CELF1: variants seen among roughly 807,000 people sequenced by gnomAD.
The protein encoded by CELF1 is 50 kDa nuclear polyadenylated RNA-binding protein.
CELF1 carries 10 observed loss-of-function variants against 61.8 expected under a neutral mutation model. The observed-to-expected ratio is 0.16, with a 90% confidence interval of 0.10 to 0.27. CELF1 has a LOEUF of 0.27. CELF1 is among the 10% of genes least tolerant of loss of function. The pLI is 1.00. For missense variants in CELF1, 380 were observed against 639.1 expected (o/e 0.59, Z 4.37); for synonymous variants, 236 against 225.1 (o/e 1.05, Z -0.43).
intron 1 of CELF1, among the ~76,000 whole-genome samples, chr11:47,541,693 AG>A (rs769530030): frequency 0.91 from 89,341 of 98,314 alleles, 40,714 homozygotes; most frequent in East Asian, 0.97. Flanking sequence ...TGTCAAAGAA[AG>A]AAAGAAAGAA....
At chr11:47,527,372 C>CA (rs1449984175) in intron 1 of CELF1, among the ~76,000 whole-genome samples, 1 of 152,068 alleles carries the variant, frequency 6.6e-6, no homozygotes, top group Non-Finnish European at 1.5e-5. Context: ...GCCTGGGTGA[C>CA]AAAGTGAGAC....
intron 1 of CELF1, among the ~76,000 whole-genome samples, chr11:47,519,465 G>A (rs1437761463): frequency 1.3e-5 from 2 of 150,926 alleles, no homozygotes; most frequent in African/African-American, 4.9e-5. Context: ...GTGTGACAGA[G>A]CGAGACTCCA....
At chr11:47,556,444 C>T (rs934721488), upstream of CELF1, among the ~76,000 whole-genome samples, 4 of 152,168 alleles carry the variant, frequency 2.6e-5, no homozygotes, top group African/African-American at 4.8e-5. Context: ...CTCGGCCTTC[C>T]GAAGTTTTGG....
At chr11:47,522,274 C>T (rs1217499352) in intron 1 of CELF1, among the ~76,000 whole-genome samples, 1 of 151,838 alleles carries the variant, frequency 6.6e-6, no homozygotes, top group East Asian at 2.0e-4. Context: ...GCCTGTAACC[C>T]CAGCACTTTG....
chr11:47,476,661 C>T (rs1305293254), intron 12 of CELF1, among the ~76,000 whole-genome samples, 185 bp downstream of exon 12: 3 of 152,266 alleles, frequency 2.0e-5, no homozygotes, highest in Admixed American at 6.5e-5. Flanking sequence ...CTCCTGACCT[C>T]GTGATTCGCC....
Position 47,484,391 on chromosome 11 carries a change from C to A in CELF1, c.524G>T (p.Arg175Leu). 6.2e-7 allele frequency: 1 copy of A among 1,610,888 alleles called. No individual in the cohort carries two copies. Among genetic ancestry groups the A allele is most frequent in the Non-Finnish European group, 8.5e-7 (1 of 1,179,164 alleles). ...RILRGPDGLS[R>L]GCAFVTFTTR... ...ATTTAAAAGCTAAAACTACCTACCT[C>A]GGCTCAGGCCATCAGGTCCCCGCAA... The change falls in exon 7 of 15, where the codon CGA (arginine) becomes CTA (leucine). Residue 175 changes from arginine to leucine, a missense_variant and splice_region_variant. Transcript: ENST00000687097.
rs2096792828 is a variant in CELF1, at chr11:47,541,729, CG to C, written c.-154+11262del. On this transcript the variant is annotated intron_variant, in intron 1 of 14. Coordinates refer to ENST00000687097, the MANE Select transcript of CELF1 (RefSeq NM_001376376.1). ...AAGAAAGAAAGAAAGAAAGAAAGAA[CG>C]AAAGAAAGAACGAAAGAAAGAAAGA... is the stretch of plus-strand genomic sequence containing the variant. Among the ~76,000 whole-genome samples, 5 of 9,194 alleles carry C rather than the reference CG, an allele frequency of 5.4e-4. 1 individual carries two copies. Among genetic ancestry groups the C allele is most frequent in the Non-Finnish European group, 9.2e-4 (3 of 3,278 alleles). 6.0% of individuals were successfully genotyped at this position (9,194 alleles called of 152,430 possible).
rs768310768 is a variant in CELF1, at chr11:47,486,752, T to C, written c.389A>G (p.Asn130Ser). Residue 130 changes from asparagine to serine, a missense_variant and splice_region_variant, in exon 6 of 15, where the codon AAT (asparagine) becomes AGT (serine). Asn to Ser is a conservative substitution (Grantham distance 46, BLOSUM62 1). Transcript: ENST00000687097. ...GAAGATTGTATACATTTGCTTACCA[T>C]TGTTCTTCTCACTGTCAGCAGGTTT... Reference protein sequence around the residue: ...QMKPADSEKNNAVEDRKLFIG... With the variant: ...QMKPADSEKNSAVEDRKLFIG... The C allele has an allele frequency of 4.3e-6, 7 of 1,612,270 alleles. No individual in the cohort carries two copies. The highest frequency in any genetic ancestry group is 4.0e-5 in the African/African-American group (3 of 74,896).
rs756424483 is a variant in CELF1, at chr11:47,473,144, T to G, written c.1361A>C (p.Asn454Thr). 1.9e-6 allele frequency: 3 copies of G among 1,614,018 alleles called. No individual in the cohort carries two copies. The highest frequency in any genetic ancestry group is 2.5e-6 in the Non-Finnish European group (3 of 1,180,034). ...TATGAAAACCTTGGCAGACACGACA[T>G]TCCCAAAGGGCATAAACATCTGCAG... ...DLLQMFMPFGNVVSAKVFIDK... is the reference protein window; with the variant it reads ...DLLQMFMPFGTVVSAKVFIDK... Residue 454 changes from asparagine to threonine, a missense_variant, in exon 14 of 15, where the codon AAT becomes ACT. Physicochemically the swap from Asn to Thr is moderately conservative, Grantham distance 65 (BLOSUM62 0). Coordinates refer to ENST00000687097, the MANE Select transcript of CELF1 (RefSeq NM_001376376.1).
intron 1 of CELF1, among the ~76,000 whole-genome samples, chr11:47,546,975 G>A (rs1442093417): frequency 2.2e-5 from 3 of 139,530 alleles, no homozygotes; most frequent in South Asian, 2.4e-4. Flanking sequence ...GCTGAGGCAG[G>A]AGAATCACTT....
intron 4 of CELF1, among the ~76,000 whole-genome samples, chr11:47,488,618 T>C (rs1276641716): frequency 2.0e-5 from 3 of 152,210 alleles, no homozygotes; most frequent in African/African-American, 4.8e-5. Context: ...TTTAAAGCCA[T>C]TAAATATGTT....
At chr11:47,540,711 C>T (rs2096752392) in intron 1 of CELF1, among the ~76,000 whole-genome samples, 1 of 152,062 alleles carries the variant, frequency 6.6e-6, no homozygotes, top group South Asian at 2.1e-4. Flanking sequence ...TGGTGAAACC[C>T]CGTCTCTACT....
At chr11:47,529,308 G>A (rs954701776) in intron 1 of CELF1, among the ~76,000 whole-genome samples, 1 of 152,008 alleles carries the variant, frequency 6.6e-6, no homozygotes, top group African/African-American at 2.4e-5. Flanking sequence ...CAGCACTTTG[G>A]GAGGCTGAGG....
rs537775076 is a variant in CELF1 at position 47,504,558 on chromosome 11, A to G, written c.-153-3626T>C. ...CGCACCACTACACTCCAGCATGGGC[A>G]ACAGCGTGAGACCCTGCCTTACAAA... On this transcript the variant is annotated intron_variant, in intron 1 of 14. Coordinates refer to ENST00000687097, the MANE Select transcript of CELF1 (RefSeq NM_001376376.1). Among the ~76,000 whole-genome samples, 165 of 141,700 alleles carry G rather than the reference A, an allele frequency of 1.2e-3. 1 individual carries two copies. The highest frequency in any genetic ancestry group is 3.9e-3 in the Middle Eastern group (1 of 258). 93.0% of individuals were successfully genotyped at this position (141,700 alleles called of 152,430 possible).
intron 1 of CELF1, among the ~76,000 whole-genome samples, chr11:47,547,091 A>AAAAAAAAAAAG (rs1390852543): frequency 2.2e-5 from 3 of 138,676 alleles, no homozygotes; most frequent in Non-Finnish European, 4.8e-5. Context: ...AAAAAAAAAA[A>AAAAAAAAAAAG]AAGAAAGAAA....
intron 1 of CELF1, among the ~76,000 whole-genome samples, chr11:47,536,632 G>A (rs905553724): frequency 1.3e-5 from 2 of 152,076 alleles, no homozygotes; most frequent in African/African-American, 4.8e-5. Context: ...GGGCGTGGTG[G>A]TGCACACCTG....
At chr11:47,551,736 G>GTTTTAAA (rs2097142288) in intron 1 of CELF1, among the ~76,000 whole-genome samples, 1 of 152,206 alleles carries the variant, frequency 6.6e-6, no homozygotes, top group African/African-American at 2.4e-5. Flanking sequence ...GTTCCGGGCG[G>GTTTTAAA]GGGCGGTGGC....
At position 47,489,034 on chromosome 11, in the gene CELF1, A is replaced by G; in HGVS notation, c.72-10T>C. ...GTTCATTTTCTTTGAGCTGTGTGAGATAAAATGAAACTTCTATTATGTAAT... is the reference window on the plus strand; with the variant it reads ...GTTCATTTTCTTTGAGCTGTGTGAGGTAAAATGAAACTTCTATTATGTAAT... On this transcript the variant is annotated splice_polypyrimidine_tract_variant and intron_variant, in intron 3 of 14. Transcript: ENST00000687097. The G allele has an allele frequency of 1.3e-6, 2 of 1,539,784 alleles. No homozygotes were observed. Among genetic ancestry groups the G allele is most frequent in the East Asian group, 4.7e-5 (2 of 42,156 alleles).
At chr11:47,489,955 T>TTTTTG (rs71042675) in intron 3 of CELF1, among the ~76,000 whole-genome samples, 1 of 141,284 alleles carries the variant, frequency 7.1e-6, no homozygotes. Flanking sequence ...TTTTTTTTTT[T>TTTTTG]GAGACGGAAT....
Sources: gnomAD v4.1 joint callset for allele counts (sites outside exome capture counted in the v4.1 genomes callset) on GRCh38, gnomAD v4.1.1 for gene constraint, MANE v1.5 for transcripts, NCBI Gene and HGNC (gene_info 2026-07-23, HGNC 2026-07-21) for gene names.